LRP12: variants seen among roughly 807,000 people sequenced by gnomAD.
LRP12 encodes the protein low-density lipoprotein receptor-related protein 12.
A neutral mutation model predicts 66.0 loss-of-function variants in LRP12; 14 were observed. The observed-to-expected ratio is 0.21, with a 90% CI of 0.14 to 0.33. The LOEUF (loss-of-function observed/expected upper bound fraction) is 0.33. Among genes scored for constraint, LRP12 ranks in the 10% least tolerant of loss-of-function variants. The probability of loss-of-function intolerance (pLI) is 1.00; values close to 1 mark genes in which losing one functional copy is unlikely to be tolerated. For synonymous variants in LRP12, 357 were observed against 359.1 expected, an observed-to-expected ratio of 0.99 and a Z score of 0.07; for missense variants, 889 against 1,053.4, an observed-to-expected ratio of 0.84 and a Z score of 2.16.
chr8:104,582,721 C>T (rs1812271317), intron 1 of LRP12, among the ~76,000 whole-genome samples: 1 of 152,082 alleles, frequency 6.6e-6, no homozygotes, highest in Non-Finnish European at 1.5e-5. Context: ...ATCTGCTGTA[C>T]AACTATTCAT....
At chr8:104,500,483 G>A (rs984362524) in intron 3 of LRP12, among the ~76,000 whole-genome samples, 7 of 152,076 alleles carry the variant, frequency 4.6e-5, no homozygotes, top group South Asian at 2.1e-4. Context: ...TGAGGTGGGC[G>A]GATCACGAAG....
intron 1 of LRP12, among the ~76,000 whole-genome samples, chr8:104,575,626 G>C (rs1438664490): frequency 2.0e-5 from 3 of 151,938 alleles, no homozygotes; most frequent in African/African-American, 7.3e-5. Flanking sequence ...AAAATCCAAA[G>C]ATCAGAAACC....
At chr8:104,554,812 G>T (rs1313034110) in intron 1 of LRP12, among the ~76,000 whole-genome samples, 5 of 152,044 alleles carry the variant, frequency 3.3e-5, no homozygotes, top group Admixed American at 3.3e-4. Flanking sequence ...CATCACCTAG[G>T]CACACAGTCA....
intron 1 of LRP12, among the ~76,000 whole-genome samples, chr8:104,575,396 C>T (rs888111092): frequency 6.6e-6 from 1 of 152,208 alleles, no homozygotes; most frequent in Non-Finnish European, 1.5e-5. Flanking sequence ...ACAGGTGCTG[C>T]AAGTTGGTCC....
At chr8:104,586,151 A>G (rs114571303) in intron 1 of LRP12, among the ~76,000 whole-genome samples, 1,978 of 152,330 alleles carry the variant, frequency 0.013, 48 homozygotes, top group African/African-American at 0.044. Context: ...TCCTTGAACA[A>G]CTACTTCTAG....
intron 1 of LRP12, among the ~76,000 whole-genome samples, chr8:104,572,313 C>T (rs1332101631): frequency 2.6e-5 from 4 of 152,110 alleles, no homozygotes; most frequent in African/African-American, 9.7e-5. Context: ...ATGAACTGTT[C>T]TACATCCTGA....
chr8:104,577,256 C>T (rs536298042), intron 1 of LRP12, among the ~76,000 whole-genome samples: 5 of 152,234 alleles, frequency 3.3e-5, no homozygotes, highest in South Asian at 4.2e-4. Context: ...CAGAATTATC[C>T]GCCCTAAAAC....
chr8:104,547,175 T>C (rs994344364), intron 1 of LRP12, among the ~76,000 whole-genome samples: 6 of 140,352 alleles, frequency 4.3e-5, no homozygotes, highest in Non-Finnish European at 9.1e-5. Flanking sequence ...TTGTATATAA[T>C]ATACAATTCT....
intron 1 of LRP12, among the ~76,000 whole-genome samples, chr8:104,569,715 A>G (rs1237818693): frequency 6.6e-6 from 1 of 152,108 alleles, no homozygotes; most frequent in Admixed American, 6.5e-5. Context: ...AACATACTTA[A>G]TGGTGGAATC....
At chr8:104,540,902 T>C (rs907307250) in intron 1 of LRP12, among the ~76,000 whole-genome samples, 1 of 151,928 alleles carries the variant, frequency 6.6e-6, no homozygotes, top group Non-Finnish European at 1.5e-5. Context: ...CCCAGCTAAT[T>C]TTTGTATTTT....
intron 3 of LRP12, chr8:104,507,500 T>C (rs544282062): frequency 1.3e-5 from 2 of 152,198 alleles, no homozygotes; most frequent in South Asian, 2.1e-4. Context: ...AACTGAGCTA[T>C]AAGTTGTAAG....
At chr8:104,574,114 G>A (rs149318147) in intron 1 of LRP12, among the ~76,000 whole-genome samples, 94 of 152,010 alleles carry the variant, frequency 6.2e-4, no homozygotes, top group African/African-American at 2.2e-3. Flanking sequence ...CTGACCCTAT[G>A]GTAATTGCAA....
intron 1 of LRP12, among the ~76,000 whole-genome samples, chr8:104,537,490 A>AAG (rs978165713): frequency 3.9e-5 from 6 of 152,114 alleles, no homozygotes; most frequent in Non-Finnish European, 7.4e-5. Flanking sequence ...TCTGACCAGC[A>AAG]AGAGAGAGCT....
At chr8:104,561,280 T>A (rs1021317266) in intron 1 of LRP12, among the ~76,000 whole-genome samples, 1 of 152,214 alleles carries the variant, frequency 6.6e-6, no homozygotes, top group African/African-American at 2.4e-5. Context: ...ACTTCAGAGC[T>A]TATGCTGTAT....
chr8:104,528,138 G>C (rs16871542), intron 2 of LRP12, among the ~76,000 whole-genome samples: 33 of 152,080 alleles, frequency 2.2e-4, no homozygotes, highest in Non-Finnish European at 8.8e-5. Context: ...GATAACACTA[G>C]GTGCAGACAA....
chr8:104,499,514 T>G lies in LRP12; in HGVS notation c.278A>C (p.Gln93Pro). The G allele has an allele frequency of 6.3e-7, 1 of 1,580,184 alleles. No individual in the cohort carries two copies. Among genetic ancestry groups the G allele is most frequent in the Non-Finnish European group, 8.6e-7 (1 of 1,169,150 alleles). ...TCTGGATCCTTGAATATCAAAATCCTGAAAACTGAAAAAAAAATCAGAAAT... is the reference window on the plus strand; with the variant it reads ...TCTGGATCCTTGAATATCAAAATCCGGAAAACTGAAAAAAAAATCAGAAAT... ...NPGEIITISF[Q>P]DFDIQGSRRC... is the part of the protein sequence containing the mutation. Residue 93 changes from glutamine to proline, a missense_variant, in exon 4 of 7, where the codon CAG (glutamine) becomes CCG (proline). This residue lies in a region of LRP12 where 800 missense variants were observed against 964.5 expected (regional missense o/e 0.83). Coordinates refer to ENST00000276654, the MANE Select transcript of LRP12 (RefSeq NM_013437.5).
At chr8:104,586,769 C>T (rs1020119545) in intron 1 of LRP12, among the ~76,000 whole-genome samples, 1 of 152,096 alleles carries the variant, frequency 6.6e-6, no homozygotes, top group African/African-American at 2.4e-5. Context: ...TTTCTCAGTT[C>T]CAGGGTGAAG....
chr8:104,556,163 T>A (rs1320181349), intron 1 of LRP12, among the ~76,000 whole-genome samples: 1 of 152,148 alleles, frequency 6.6e-6, no homozygotes, highest in African/African-American at 2.4e-5. Flanking sequence ...AAAGCAGTGC[T>A]ATGAGGAAAA....
chr8:104,490,741 G>A lies in LRP12; in HGVS notation c.2512C>T (p.Pro838Ser). The change falls in exon 7 of 7, where the codon CCA (proline) becomes TCA (serine). Residue 838 changes from proline (P) to serine (S), a missense_variant. Pro to Ser is a moderately conservative substitution (Grantham distance 74, BLOSUM62 -1). Around this residue, in one of 3 missense-constraint regions of LRP12, gnomAD observed 800 missense variants for 964.5 expected, o/e 0.83. Transcript: ENST00000276654. ...AGTGTTACTTCTAAGCAAGTGTCTGGTATCTGGGCAGTGTGGACAATACCA... is the reference window on the plus strand; with the variant it reads ...AGTGTTACTTCTAAGCAAGTGTCTGATATCTGGGCAGTGTGGACAATACCA... The part of the protein sequence containing the change: ...RCGIVHTAQI[P>S]DTCLEVTLKN... The A allele has an allele frequency of 6.2e-7, 1 of 1,614,006 alleles. No individual in the cohort carries two copies. The highest frequency in any genetic ancestry group is 2.2e-5 in the East Asian group (1 of 44,864).
Sources: gnomAD v4.1 joint callset for allele counts (sites outside exome capture counted in the v4.1 genomes callset) on GRCh38, gnomAD v4.1.1 for gene constraint, gnomAD v4.1.1 regional missense constraint, MANE v1.5 for transcripts, NCBI Gene and HGNC (gene_info 2026-07-23, HGNC 2026-07-21) for gene names.